Variants in UBE2H observed in about 807,000 individuals in gnomAD.
UBE2H encodes the protein ubiquitin conjugating enzyme E2 H.
UBE2H carries 3 observed loss-of-function variants against 29.0 expected under a neutral mutation model. The ratio of observed to expected loss-of-function variants is 0.10; its 90% CI spans 0.05 to 0.27. UBE2H has a LOEUF of 0.27. Among genes scored for constraint, UBE2H ranks in the 10% least tolerant of loss-of-function variants. UBE2H has a pLI of 1.00. For missense variants in UBE2H, 68 were observed against 228.2 expected, an observed-to-expected ratio of 0.30 and a Z score of 4.52; for synonymous variants, 69 against 82.9, an observed-to-expected ratio of 0.83 and a Z score of 0.91.
chr7:129,933,310 A>G (rs1320543021), intron 1 of UBE2H, among the ~76,000 whole-genome samples: 4 of 152,204 alleles, frequency 2.6e-5, no homozygotes, highest in African/African-American at 9.6e-5. Context: ...ATCAAATATT[A>G]AGGAAAACCC....
chr7:129,924,417 T>G (rs1296755996), intron 1 of UBE2H, among the ~76,000 whole-genome samples: 1 of 152,230 alleles, frequency 6.6e-6, no homozygotes, highest in East Asian at 1.9e-4. Context: ...TTTTCTACTT[T>G]GAACTTCTAA....
intron 1 of UBE2H, among the ~76,000 whole-genome samples, chr7:129,889,114 G>C (rs913085137): frequency 6.6e-6 from 1 of 152,200 alleles, no homozygotes; most frequent in Non-Finnish European, 1.5e-5. Flanking sequence ...AGTAGGCCAA[G>C]ACCAGATTAC....
intron 3 of UBE2H, among the ~76,000 whole-genome samples, chr7:129,865,673 T>C (rs752415050): frequency 1.3e-5 from 2 of 152,248 alleles, no homozygotes; most frequent in African/African-American, 2.4e-5. Context: ...TATAAGCTTA[T>C]GAATTCCTGT....
chr7:129,836,204 T>A (rs1185971670), intron 6 of UBE2H, among the ~76,000 whole-genome samples: 1 of 152,234 alleles, frequency 6.6e-6, no homozygotes, highest in Non-Finnish European at 1.5e-5. Context: ...ACAATTTTAT[T>A]TTTAACCTCT....
At chr7:129,837,682 G>A (rs1444428772) in intron 6 of UBE2H, among the ~76,000 whole-genome samples, 1 of 151,964 alleles carries the variant, frequency 6.6e-6, no homozygotes, top group Non-Finnish European at 1.5e-5. Context: ...GAGGAAGGGT[G>A]TCTCTTATTT....
intron 1 of UBE2H, among the ~76,000 whole-genome samples, chr7:129,884,797 G>C (rs1329318554): frequency 1.3e-4 from 19 of 151,902 alleles, no homozygotes; most frequent in Non-Finnish European, 2.9e-5. Context: ...TGCCCATGCT[G>C]GTCTTGAACT....
chr7:129,925,067 T>C lies in UBE2H; in HGVS notation c.53+27436A>G, dbSNP rs144915848. Among the ~76,000 whole-genome samples, 777 of 152,190 alleles carry C rather than the reference T, an allele frequency of 5.1e-3. 4 individuals carry two copies. The highest frequency in any genetic ancestry group is 8.1e-3 in the Non-Finnish European group (549 of 68,012). On this transcript the variant is annotated intron_variant, in intron 1 of 6. Transcript: ENST00000355621. Reference sequence around the variant, plus strand: ...CCGAAAGACATAAGATATTCACAAATGGCCAGGCACGGTGGTTCACGCCTA... The same window carrying C: ...CCGAAAGACATAAGATATTCACAAACGGCCAGGCACGGTGGTTCACGCCTA...
intron 5 of UBE2H, chr7:129,839,552 T>A: frequency 2.1e-6 from 1 of 484,760 alleles, no homozygotes; most frequent in South Asian, 2.4e-5. Context: ...AAGATATACC[T>A]GACATTCACT....
chr7:129,924,317 A>C (rs1807221379), intron 1 of UBE2H, among the ~76,000 whole-genome samples: 1 of 152,222 alleles, frequency 6.6e-6, no homozygotes, highest in African/African-American at 2.4e-5. Context: ...CGTAAGACTG[A>C]GACTTTTCCT....
At chr7:129,889,966 A>G (rs528586533) in intron 1 of UBE2H, among the ~76,000 whole-genome samples, 3 of 152,084 alleles carry the variant, frequency 2.0e-5, no homozygotes, top group Admixed American at 2.0e-4. Context: ...CCCCATCACT[A>G]CAAAAAACAC....
chr7:129,854,278 C>T (rs567486599), intron 5 of UBE2H, among the ~76,000 whole-genome samples: 2 of 152,168 alleles, frequency 1.3e-5, no homozygotes, highest in Non-Finnish European at 2.9e-5. Context: ...GTCATCTGAA[C>T]GAACATATTC....
At chr7:129,897,053 T>C (rs1429016543) in intron 1 of UBE2H, among the ~76,000 whole-genome samples, 8 of 152,130 alleles carry the variant, frequency 5.3e-5, no homozygotes, top group Non-Finnish European at 1.0e-4. Context: ...ATCATCCCCT[T>C]CCTCTTACAT....
intron 1 of UBE2H, among the ~76,000 whole-genome samples, chr7:129,947,754 G>A (rs1273684185): frequency 6.9e-6 from 1 of 143,958 alleles, no homozygotes; most frequent in East Asian, 2.1e-4. Context: ...GACTAAAAAA[G>A]TTTTAACTAA....
chr7:129,939,335 A>C (rs1233319609), intron 1 of UBE2H, among the ~76,000 whole-genome samples: 3 of 152,174 alleles, frequency 2.0e-5, no homozygotes, highest in African/African-American at 4.8e-5. Flanking sequence ...CACTGCAACC[A>C]GCGAAAGTGA....
At chr7:129,865,553 C>T (rs1335433831) in intron 3 of UBE2H, among the ~76,000 whole-genome samples, 1 of 152,174 alleles carries the variant, frequency 6.6e-6, no homozygotes, top group African/African-American at 2.4e-5. Flanking sequence ...TAAATCCACC[C>T]TACGGTAAAC....
At position 129,914,068 on chromosome 7, in the gene UBE2H, T is replaced by C. The variant is rs139868715; in HGVS notation, c.54-33097A>G. Reference sequence around the variant, plus strand: ...GCTTAAGAAGGTAACATGTATTGACTGTACCAATGGGCTCTGGCCAGACAG... The same window carrying C: ...GCTTAAGAAGGTAACATGTATTGACCGTACCAATGGGCTCTGGCCAGACAG... On this transcript the variant is annotated intron_variant, in intron 1 of 6. Transcript: ENST00000355621. Among the ~76,000 whole-genome samples, 20 of 152,318 alleles carry C rather than the reference T, an allele frequency of 1.3e-4. No individual in the cohort carries two copies. The East Asian group carries it at 3.9e-3, about 29-fold the overall frequency.
intron 1 of UBE2H, among the ~76,000 whole-genome samples, chr7:129,907,797 A>AT (rs1425477124): frequency 6.6e-6 from 1 of 152,306 alleles, no homozygotes; most frequent in East Asian, 1.9e-4. Flanking sequence ...AGGAAGACCA[A>AT]TTTTTTCAAA....
intron 1 of UBE2H, among the ~76,000 whole-genome samples, chr7:129,945,269 A>C (rs896702950): frequency 2.0e-5 from 3 of 152,200 alleles, no homozygotes; most frequent in Non-Finnish European, 4.4e-5. Flanking sequence ...TGTCAATTAT[A>C]CCTCAATAAC....
intron 1 of UBE2H, among the ~76,000 whole-genome samples, chr7:129,925,703 A>AG (rs1563048535): frequency 6.6e-6 from 1 of 152,144 alleles, no homozygotes; most frequent in Non-Finnish European, 1.5e-5. Flanking sequence ...TCATTGGAGG[A>AG]GGGGAATAGT....
Sources: gnomAD v4.1 joint callset for allele counts (sites outside exome capture counted in the v4.1 genomes callset) on GRCh38, gnomAD v4.1.1 for gene constraint, MANE v1.5 for transcripts, NCBI Gene and HGNC (gene_info 2026-07-23, HGNC 2026-07-21) for gene names.